NBEA: variants seen among roughly 807,000 people sequenced by gnomAD.
NBEA encodes neurobeachin.
NBEA carries 44 observed loss-of-function variants against 343.4 expected under a neutral mutation model. The ratio of observed to expected loss-of-function variants is 0.13; its 90% CI spans 0.10 to 0.16. The LOEUF (loss-of-function observed/expected upper bound fraction) is 0.16, where lower values mean the gene tolerates loss of function less well. Ranked by LOEUF, NBEA falls within the 10% of genes least tolerant of loss-of-function variation. NBEA has a pLI of 1.00. For missense variants in NBEA, 2,555 were observed against 3,631.3 expected (o/e 0.70, Z 7.62); for synonymous variants, 1,175 against 1,238.7 (o/e 0.95, Z 1.08).
intron 17 of NBEA, 25 bp downstream of exon 17, chr13:35,123,599 A>G: frequency 7.5e-7 from 1 of 1,338,682 alleles, no homozygotes; most frequent in Non-Finnish European, 1.0e-6. Context: ...GTCATAATGC[A>G]TTCTAGAAAT....
At chr13:35,029,459 G>A (rs1451457868) in intron 1 of NBEA, among the ~76,000 whole-genome samples, 2 of 151,524 alleles carry the variant, frequency 1.3e-5, no homozygotes, top group African/African-American at 4.8e-5. Context: ...TGAAGTGAGG[G>A]ATGGTATTGT....
At chr13:35,202,940 T>C (rs536341103) in intron 31 of NBEA, among the ~76,000 whole-genome samples, 1 of 152,300 alleles carries the variant, frequency 6.6e-6, no homozygotes, top group African/African-American at 2.4e-5. Flanking sequence ...CCAGTTCTTA[T>C]TTAAATCTTA....
chr13:35,240,792 G>A (rs1232889184), intron 34 of NBEA, among the ~76,000 whole-genome samples: 1 of 151,604 alleles, frequency 6.6e-6, no homozygotes, highest in Non-Finnish European at 1.5e-5. Flanking sequence ...GTAGGGAGAG[G>A]GTTAGAATGG....
intron 5 of NBEA, among the ~76,000 whole-genome samples, chr13:35,049,908 G>C (rs1038913005): frequency 6.6e-6 from 1 of 151,424 alleles, no homozygotes; most frequent in Non-Finnish European, 1.5e-5. Flanking sequence ...GAATTAGAGA[G>C]CAGGTTGTTA....
chr13:35,248,462 C>T (rs1390809050), intron 34 of NBEA, among the ~76,000 whole-genome samples: 2 of 152,088 alleles, frequency 1.3e-5, no homozygotes, highest in Non-Finnish European at 2.9e-5. Flanking sequence ...TAAGAAAGAA[C>T]AAAGCTGGGG....
intron 20 of NBEA, 144 bp from the exon 21 acceptor site, chr13:35,156,934 A>ACTTGGAATATAT (rs1490426761): frequency 2.0e-6 from 1 of 503,676 alleles, no homozygotes; most frequent in Non-Finnish European, 3.3e-6. Flanking sequence ...CCAAGTATAG[A>ACTTGGAATATAT]ATATATAACG....
chr13:35,101,408 A>G (rs1218621138), intron 11 of NBEA, among the ~76,000 whole-genome samples: 1 of 151,768 alleles, frequency 6.6e-6, no homozygotes, highest in East Asian at 1.9e-4. Context: ...ATCAATTTTA[A>G]ATTTGCATTT....
rs554005701 is a variant in NBEA, at chr13:35,439,963, G to A, written c.6304+7570G>A. Among the ~76,000 whole-genome samples the A allele has an allele frequency of 4.3e-3, 661 of 152,024 alleles. 4 individuals are homozygous for A. The highest frequency in any genetic ancestry group is 8.2e-3 in the Non-Finnish European group (554 of 67,926). On this transcript the variant is annotated intron_variant, in intron 39 of 58. Transcript: ENST00000379939. ...GGTGCGATCTTGGCTCACTGCAACC[G>A]CCACCTCCCAGGTTCAAGCGATTCT... is the stretch of plus-strand genomic sequence containing the variant.
chr13:35,206,844 G>T (rs953164841), intron 31 of NBEA, among the ~76,000 whole-genome samples: 5 of 152,036 alleles, frequency 3.3e-5, no homozygotes, highest in Middle Eastern at 3.2e-3. Context: ...TTGAAATATA[G>T]TCCACATCTT....
chr13:34,985,616 A>AC (rs1442064813), intron 1 of NBEA, among the ~76,000 whole-genome samples: 1 of 150,886 alleles, frequency 6.6e-6, no homozygotes, highest in Non-Finnish European at 1.5e-5. Context: ...AAGGAGTGCT[A>AC]CCAGCTCCTT....
At position 35,550,486 on chromosome 13, in the gene NBEA, T is replaced by C; in HGVS notation, c.6595T>C (p.Tyr2199His). The C allele has an allele frequency of 6.2e-7, 1 of 1,607,240 alleles. No individual in the cohort carries two copies. The highest frequency in any genetic ancestry group is 1.1e-5 in the South Asian group (1 of 90,708). The stretch of plus-strand genomic sequence containing the variant: ...AAACTGTTTATTTTAGGTTCTTGCA[T>C]ACACTGAGGGACTTCACGGAAAATG... ...FKKIDTKVLA[Y>H]TEGLHGKWMF... is the part of the protein sequence containing the mutation. The change falls in exon 42 of 59, where the codon TAC (tyrosine) becomes CAC (histidine). Residue 2199 changes from tyrosine (Y) to histidine (H), a missense_variant. Around this residue, in one of 21 missense-constraint regions of NBEA, gnomAD observed 246 missense variants for 313.7 expected, o/e 0.78. Transcript: ENST00000379939.
At chr13:35,145,646 G>T (rs551047274) in intron 18 of NBEA, among the ~76,000 whole-genome samples, 1 of 152,292 alleles carries the variant, frequency 6.6e-6, no homozygotes, top group East Asian at 1.9e-4. Flanking sequence ...CTATTTTCAG[G>T]ATTAGTTCGC....
intron 31 of NBEA, among the ~76,000 whole-genome samples, chr13:35,207,227 T>C: frequency 6.6e-6 from 1 of 151,854 alleles, no homozygotes; most frequent in Non-Finnish European, 1.5e-5. Context: ...CACTTATTTG[T>C]GGAAAAAAAA....
intron 41 of NBEA, among the ~76,000 whole-genome samples, chr13:35,527,635 G>T (rs555164099): frequency 1.3e-5 from 2 of 152,336 alleles, no homozygotes; most frequent in East Asian, 3.9e-4. Flanking sequence ...CCCAGGCTCA[G>T]CCACAGCCTT....
chr13:35,624,479 T>G (rs1326287424), intron 48 of NBEA, among the ~76,000 whole-genome samples: 3 of 152,070 alleles, frequency 2.0e-5, no homozygotes, highest in African/African-American at 7.2e-5. Flanking sequence ...TAAAACCTAG[T>G]GTCAGTGTTC....
intron 10 of NBEA, among the ~76,000 whole-genome samples, chr13:35,096,090 T>A (rs1191402704): frequency 1.3e-5 from 2 of 151,894 alleles, no homozygotes; most frequent in Admixed American, 1.3e-4. Flanking sequence ...ATCCGATGCA[T>A]TTTAGTTACT....
intron 24 of NBEA, among the ~76,000 whole-genome samples, chr13:35,168,703 T>G (rs953517095): frequency 2.6e-5 from 4 of 151,356 alleles, no homozygotes; most frequent in Non-Finnish European, 5.9e-5. Flanking sequence ...AAATAGAGTA[T>G]GCATTATTTC....
chr13:35,520,264 T>C (rs2077648975), intron 41 of NBEA, among the ~76,000 whole-genome samples: 1 of 152,176 alleles, frequency 6.6e-6, no homozygotes, highest in African/African-American at 2.4e-5. Context: ...ATATTTGTCT[T>C]TCTGTGACTG....
chr13:35,362,205 A>C (rs2152875476), intron 38 of NBEA, among the ~76,000 whole-genome samples: 1 of 152,120 alleles, frequency 6.6e-6, no homozygotes, highest in East Asian at 1.9e-4. Flanking sequence ...AAGATAAATA[A>C]GTTACAGCTC....
Sources: allele counts gnomAD v4.1 joint callset (sites outside exome capture counted in the v4.1 genomes callset), GRCh38; gene constraint gnomAD v4.1.1; regional missense constraint gnomAD v4.1.1; transcripts MANE v1.5; gene names NCBI Gene and HGNC (gene_info 2026-07-23, HGNC 2026-07-21).